DTWD2: variants seen among roughly 807,000 people sequenced by gnomAD.
The protein encoded by DTWD2 is DTW motif tRNA-uridine aminocarboxypropyltransferase 2.
Under a neutral mutation model 31.8 loss-of-function variants are expected in DTWD2, and 39 were observed. The ratio of observed to expected loss-of-function variants is 1.22; its 90% CI spans 0.95 to 1.60. The LOEUF (loss-of-function observed/expected upper bound fraction) is 1.60, where lower values mean the gene tolerates loss of function less well. Among genes scored for constraint, DTWD2 ranks in the 40% most tolerant of loss-of-function variants. The pLI, the probability that DTWD2 is intolerant of heterozygous loss-of-function variation, is 0.00. For missense variants in DTWD2, 515 were observed against 381.5 expected, an observed-to-expected ratio of 1.35 and a Z score of -2.92; for synonymous variants, 180 against 142.8, an observed-to-expected ratio of 1.26 and a Z score of -1.86.
At chr5:118,851,847 A>G (rs1561426078) in intron 4 of DTWD2, among the ~76,000 whole-genome samples, 2 of 151,972 alleles carry the variant, frequency 1.3e-5, no homozygotes, top group African/African-American at 2.4e-5. Flanking sequence ...AATAAAAAAA[A>G]AAAAAAGAAA....
At chr5:118,964,662 C>T (rs2149594911) in intron 1 of DTWD2, among the ~76,000 whole-genome samples, 1 of 152,376 alleles carries the variant, frequency 6.6e-6, no homozygotes, top group East Asian at 1.9e-4. Context: ...GGCTGGTCTC[C>T]AGCTCCTAAC....
chr5:118,850,570 G>T (rs1751978332), intron 4 of DTWD2, among the ~76,000 whole-genome samples: 1 of 136,454 alleles, frequency 7.3e-6, no homozygotes, highest in Non-Finnish European at 1.6e-5. Context: ...AATCCTGGAA[G>T]AAAACCTAGG....
At chr5:118,973,700 C>G in intron 1 of DTWD2, 1 of 1,469,806 alleles carries the variant, frequency 6.8e-7, no homozygotes, top group East Asian at 2.3e-5. Flanking sequence ...CACGCGCCTC[C>G]TCCGCCGCCG....
At chr5:118,929,732 T>C (rs1290311005) in intron 3 of DTWD2, among the ~76,000 whole-genome samples, 2 of 152,192 alleles carry the variant, frequency 1.3e-5, no homozygotes, top group African/African-American at 4.8e-5. Flanking sequence ...TTTAGAGGGC[T>C]TGCAAACAGC....
At chr5:118,852,069 T>C (rs1026732303) in intron 4 of DTWD2, among the ~76,000 whole-genome samples, 6 of 152,118 alleles carry the variant, frequency 3.9e-5, no homozygotes, top group Non-Finnish European at 8.8e-5. Context: ...TTAATATCAA[T>C]ATTCCTTGCT....
intron 4 of DTWD2, among the ~76,000 whole-genome samples, chr5:118,893,616 C>T (rs1753021788): frequency 1.3e-5 from 2 of 151,938 alleles, no homozygotes; most frequent in South Asian, 2.1e-4. Flanking sequence ...GGAGATTATA[C>T]TAGATTACAT....
intron 4 of DTWD2, among the ~76,000 whole-genome samples, chr5:118,860,370 A>T (rs1752233823): frequency 6.6e-6 from 1 of 151,480 alleles, no homozygotes; most frequent in African/African-American, 2.4e-5. Context: ...ATTCCTTTTC[A>T]TATTTTTTAT....
rs139487029 is a variant in DTWD2 at position 118,887,422 on chromosome 5, T to C, written c.598-39204A>G. On this transcript the variant is annotated intron_variant, in intron 4 of 5. Transcript: ENST00000510708. Reference sequence around the variant, plus strand: ...AAGGCTAAGGGTGATCAATAAAGACTGTGTACATGTCCAAATGTAAAGATC... The same window carrying C: ...AAGGCTAAGGGTGATCAATAAAGACCGTGTACATGTCCAAATGTAAAGATC... Among the ~76,000 whole-genome samples the C allele has an allele frequency of 1.8e-3, 271 of 151,054 alleles. No individual in the cohort carries two copies. The Middle Eastern group carries it at 0.02, about 11-fold the overall frequency.
intron 5 of DTWD2, 128 bp from the exon 6 acceptor site, chr5:118,841,215 A>C: frequency 1.1e-6 from 1 of 934,766 alleles, no homozygotes; most frequent in Non-Finnish European, 1.6e-6. Flanking sequence ...TATGAGAAAC[A>C]CTAGGCACTC....
intron 4 of DTWD2, among the ~76,000 whole-genome samples, chr5:118,926,151 G>T (rs1753803631): frequency 6.6e-6 from 1 of 152,100 alleles, no homozygotes; most frequent in Admixed American, 6.6e-5. Context: ...ACCAATCTAA[G>T]TGCCCATCAA....
intron 5 of DTWD2, among the ~76,000 whole-genome samples, chr5:118,846,443 C>G (rs879942759): frequency 2.0e-5 from 3 of 152,134 alleles, no homozygotes; most frequent in Non-Finnish European, 1.5e-5. Flanking sequence ...AGAATTCTTT[C>G]CAGAACCCAA....
At chr5:118,960,399 T>C (rs1043185157) in intron 1 of DTWD2, among the ~76,000 whole-genome samples, 3 of 152,090 alleles carry the variant, frequency 2.0e-5, no homozygotes, top group African/African-American at 7.2e-5. Context: ...CCAGTAAGAA[T>C]GGCTACTATT....
chr5:118,975,246 C>G (rs1258911288), intron 1 of DTWD2, among the ~76,000 whole-genome samples: 1 of 152,028 alleles, frequency 6.6e-6, no homozygotes, highest in Non-Finnish European at 1.5e-5. Context: ...TTTCTGTAAT[C>G]TTGTCTTCAC....
chr5:118,863,176 TTTAGG>T (rs1448666540), intron 4 of DTWD2, among the ~76,000 whole-genome samples: 9 of 152,212 alleles, frequency 5.9e-5, no homozygotes, highest in Non-Finnish European at 1.3e-4. Context: ...TAGCTTTTAC[TTTAGG>T]TTATTTAACT....
In DTWD2 at chr5:118,850,894, G is replaced by C. The variant is rs1339816202; in HGVS notation, c.598-2676C>G. On this transcript the variant is annotated intron_variant, in intron 4 of 5. Coordinates refer to ENST00000510708, the MANE Select transcript of DTWD2 (RefSeq NM_173666.4). ...ATTTTTCAAAAGAGGACATACATGT[G>C]GCCAACAAGCAGATGAAAAAATGCT... is the stretch of plus-strand genomic sequence containing the variant. Among the ~76,000 whole-genome samples, 4 of 152,174 alleles carry C rather than the reference G, an allele frequency of 2.6e-5. No individual in the cohort carries two copies. In the East Asian group the frequency reaches 7.7e-4, roughly 29 times the overall value.
At chr5:118,872,764 T>C (rs1752534262) in intron 4 of DTWD2, among the ~76,000 whole-genome samples, 1 of 152,096 alleles carries the variant, frequency 6.6e-6, no homozygotes, top group Non-Finnish European at 1.5e-5. Flanking sequence ...GCACATGCTG[T>C]TGGAAAAACG....
At chr5:118,976,606 C>T (rs1273978281) in intron 1 of DTWD2, among the ~76,000 whole-genome samples, 1 of 152,164 alleles carries the variant, frequency 6.6e-6, no homozygotes. Flanking sequence ...TGGATAAATT[C>T]CTGGACATAT....
At chr5:118,846,953 CACACACACACACAT>C (rs1394914961) in intron 5 of DTWD2, among the ~76,000 whole-genome samples, 2 of 137,888 alleles carry the variant, frequency 1.5e-5, no homozygotes, top group African/African-American at 3.4e-5. Context: ...CACACACACA[CACACACACACACAT>C]ACACACGAAA....
intron 4 of DTWD2, among the ~76,000 whole-genome samples, chr5:118,927,460 T>C (rs58272882): frequency 0.051 from 7,750 of 152,206 alleles, 652 homozygotes; most frequent in African/African-American, 0.18. Context: ...TTAAAAGTTC[T>C]ATAAAATAGA....
Sources: allele counts gnomAD v4.1 joint callset (sites outside exome capture counted in the v4.1 genomes callset), GRCh38; gene constraint gnomAD v4.1.1; transcripts MANE v1.5; gene names NCBI Gene and HGNC (gene_info 2026-07-23, HGNC 2026-07-21).